The following LRP1B variants were observed in gnomAD, a reference collection of about 807,000 sequenced individuals.
LRP1B encodes LDL receptor related protein 1B, also known as low-density lipoprotein receptor-related protein 1B.
LRP1B carries 217 observed loss-of-function variants against 556.6 expected under a neutral mutation model. The ratio of observed to expected loss-of-function variants is 0.39; its 90% confidence interval spans 0.35 to 0.44. LRP1B has a LOEUF of 0.44. LRP1B is among the 20% of genes least tolerant of loss of function. The probability of loss-of-function intolerance (pLI) is 1.00; values close to 1 mark genes in which losing one functional copy is unlikely to be tolerated. For missense variants in LRP1B, 5,053 were observed against 5,620.8 expected (o/e 0.90, Z 3.23); for synonymous variants, 2,047 against 1,865.8 (o/e 1.10, Z -2.50).
chr2:141,452,427 C>T (rs1053022460), intron 3 of LRP1B, among the ~76,000 whole-genome samples: 1 of 152,128 alleles, frequency 6.6e-6, no homozygotes, highest in Non-Finnish European at 1.5e-5. Context: ...TATATGTTTG[C>T]TACTGACAAG....
chr2:141,868,396 T>G (rs1461812271), intron 1 of LRP1B, among the ~76,000 whole-genome samples: 3 of 152,160 alleles, frequency 2.0e-5, no homozygotes, highest in Non-Finnish European at 4.4e-5. Flanking sequence ...GCATCAAAAT[T>G]CATACAGCAT....
Position 140,609,400 on chromosome 2 carries a change from T to G in LRP1B, c.6800-7761A>C, listed in dbSNP as rs184878189. ...CTCTCTCTCTTATGTGAAACTTCTA[T>G]TCCCATGGCATTAAATATCATTTAC... is the stretch of plus-strand genomic sequence containing the variant. On this transcript the variant is annotated intron_variant, in intron 41 of 90. Transcript: ENST00000389484. 7.2e-5 allele frequency among the ~76,000 whole-genome samples: 11 copies of G among 152,292 alleles called. No individual in the cohort carries two copies. The East Asian group carries it at 1.9e-3, about 27-fold the overall frequency.
intron 1 of LRP1B, among the ~76,000 whole-genome samples, chr2:141,909,515 A>C (rs939415550): frequency 1.0e-4 from 15 of 147,494 alleles, no homozygotes; most frequent in African/African-American, 3.1e-4. Flanking sequence ...AATCAGACTA[A>C]GGTCTCAGAC....
At chr2:141,669,401 A>C (rs1458628834) in intron 2 of LRP1B, among the ~76,000 whole-genome samples, 1 of 152,076 alleles carries the variant, frequency 6.6e-6, no homozygotes, top group African/African-American at 2.4e-5. Context: ...ATAAATTTCT[A>C]TTGTTTAAGC....
Position 141,943,685 on chromosome 2 carries a change from T to A in LRP1B, c.83-133284A>T, listed in dbSNP as rs551916454. On this transcript the variant is annotated intron_variant, in intron 1 of 90. Transcript: ENST00000389484. ...GAAAGTTTCTTGATCTATTTTTTTT[T>A]TTATTATTTACTATAAGCACAGGTG... Among the ~76,000 whole-genome samples the A allele has an allele frequency of 8.5e-5, 13 of 152,222 alleles. No homozygotes were observed. In the East Asian group the frequency reaches 1.2e-3, roughly 14 times the overall value.
intron 23 of LRP1B, among the ~76,000 whole-genome samples, chr2:140,889,548 T>C (rs1573847343): frequency 6.6e-6 from 1 of 152,184 alleles, no homozygotes; most frequent in African/African-American, 2.4e-5. Flanking sequence ...TCACCTGCCT[T>C]GGCCTCCTAA....
intron 1 of LRP1B, among the ~76,000 whole-genome samples, chr2:141,976,795 G>A (rs377623405): frequency 6.6e-6 from 1 of 152,040 alleles, no homozygotes; most frequent in Non-Finnish European, 1.5e-5. Flanking sequence ...TGAAAAGGAG[G>A]ATGTGTAGGA....
At chr2:140,700,772 G>T in intron 40 of LRP1B, 151 bp from the exon 41 acceptor site, 1 of 821,414 alleles carries the variant, frequency 1.2e-6, no homozygotes, top group Non-Finnish European at 1.9e-6. Context: ...AATTAAAAAA[G>T]TATTGTTTTT....
intron 79 of LRP1B, among the ~76,000 whole-genome samples, chr2:140,330,496 G>T (rs1182434050): frequency 6.6e-6 from 1 of 151,960 alleles, no homozygotes; most frequent in Non-Finnish European, 1.5e-5. Context: ...TTAATAAATG[G>T]TGCTAGGAGA....
intron 3 of LRP1B, among the ~76,000 whole-genome samples, chr2:141,280,966 G>T (rs925782106): frequency 2.0e-5 from 3 of 151,804 alleles, no homozygotes; most frequent in African/African-American, 7.2e-5. Flanking sequence ...TCATAAATTT[G>T]CCTGATCTTA....
At chr2:140,868,498 G>A (rs1210483031) in intron 25 of LRP1B, among the ~76,000 whole-genome samples, 1 of 152,018 alleles carries the variant, frequency 6.6e-6, no homozygotes, top group African/African-American at 2.4e-5. Flanking sequence ...CTATGAGAGA[G>A]AATAGCAGGT....
At chr2:140,394,980 T>G (rs1684187961) in intron 66 of LRP1B, among the ~76,000 whole-genome samples, 1 of 152,192 alleles carries the variant, frequency 6.6e-6, no homozygotes, top group South Asian at 2.1e-4. Context: ...TGACTATACG[T>G]GAATACTTGG....
intron 2 of LRP1B, among the ~76,000 whole-genome samples, chr2:141,510,166 T>C (rs568369291): frequency 1.3e-5 from 2 of 148,668 alleles, no homozygotes; most frequent in Non-Finnish European, 3.0e-5. Flanking sequence ...ATTAAAAACA[T>C]AGTCCTAGGT....
chr2:141,081,161 G>T (rs192587933), intron 7 of LRP1B, among the ~76,000 whole-genome samples: 1 of 152,078 alleles, frequency 6.6e-6, no homozygotes, highest in African/African-American at 2.4e-5. Context: ...TCGTGTTGAT[G>T]CTTAAAATGT....
chr2:141,923,462 G>A (rs1234954004), intron 1 of LRP1B, among the ~76,000 whole-genome samples: 2 of 113,650 alleles, frequency 1.8e-5, no homozygotes, highest in South Asian at 2.8e-4. Flanking sequence ...GTGTGTGTGT[G>A]TGTGTGTGTG....
chr2:141,875,332 T>C (rs12613576), intron 1 of LRP1B, among the ~76,000 whole-genome samples: 26,808 of 151,786 alleles, frequency 0.18, 2,788 homozygotes, highest in East Asian at 0.34. Context: ...TTATCATATA[T>C]ATTTTTGACA....
chr2:142,082,215 T>A (rs529565964), intron 1 of LRP1B, among the ~76,000 whole-genome samples: 1 of 152,238 alleles, frequency 6.6e-6, no homozygotes, highest in Admixed American at 6.5e-5. Context: ...CTCTACTACA[T>A]CAAGAATGCC....
intron 2 of LRP1B, among the ~76,000 whole-genome samples, chr2:141,751,534 T>C (rs900396830): frequency 1.3e-5 from 2 of 152,046 alleles, no homozygotes; most frequent in Non-Finnish European, 2.9e-5. Context: ...ACTGTGCTGA[T>C]TGGAAGTCTG....
At chr2:142,103,955 T>C (rs1706655551) in intron 1 of LRP1B, among the ~76,000 whole-genome samples, 1 of 152,140 alleles carries the variant, frequency 6.6e-6, no homozygotes, top group East Asian at 1.9e-4. Flanking sequence ...CTCTGGTGCA[T>C]ACTTGTTGAG....
Sources: allele counts gnomAD v4.1 joint callset (sites outside exome capture counted in the v4.1 genomes callset), GRCh38; gene constraint gnomAD v4.1.1; transcripts MANE v1.5; gene names NCBI Gene and HGNC (gene_info 2026-07-23, HGNC 2026-07-21).